NRXN3: variants seen among roughly 807,000 people sequenced by gnomAD.
NRXN3 encodes neurexin III.
In NRXN3, 32 loss-of-function variants were observed where a neutral mutation model predicts 137.6. The ratio of observed to expected loss-of-function variants is 0.23; its 90% CI spans 0.18 to 0.31. NRXN3 has a LOEUF of 0.31. Ranked by LOEUF, NRXN3 falls within the 10% of genes least tolerant of loss-of-function variation. The probability of loss-of-function intolerance (pLI) is 1.00; values close to 1 mark genes in which losing one functional copy is unlikely to be tolerated. For missense variants in NRXN3, 1,574 were observed against 2,062.5 expected (o/e 0.76, Z 4.59); for synonymous variants, 798 against 784.5 (o/e 1.02, Z -0.29).
intron 15 of NRXN3, among the ~76,000 whole-genome samples, chr14:79,228,812 T>G (rs1185329877): frequency 2.0e-5 from 3 of 152,168 alleles, no homozygotes; most frequent in Non-Finnish European, 2.9e-5. Flanking sequence ...CATTTAGAAA[T>G]GTAAATATAC....
At chr14:79,170,889 C>T (rs1297974743) in intron 15 of NRXN3, among the ~76,000 whole-genome samples, 1 of 152,092 alleles carries the variant, frequency 6.6e-6, no homozygotes, top group Non-Finnish European at 1.5e-5. Context: ...CAGTGGTTCC[C>T]TGGATCAGTT....
rs993453377 is a variant in NRXN3 at position 79,561,131 on chromosome 14, T to C, written c.3444+93729T>C. Among the ~76,000 whole-genome samples the C allele has an allele frequency of 3.9e-5, 6 of 152,156 alleles. No homozygotes were observed. The East Asian group carries it at 7.7e-4, about 20-fold the overall frequency. Reference sequence around the variant, plus strand: ...GTTGAGCTTTTATTACTACTACTCATTGGGGAGAGAAGAGAGAAAGAAGCA... The same window carrying C: ...GTTGAGCTTTTATTACTACTACTCACTGGGGAGAGAAGAGAGAAAGAAGCA... On this transcript the variant is annotated intron_variant, in intron 16 of 20. Coordinates refer to ENST00000335750, the MANE Select transcript of NRXN3 (RefSeq NM_001330195.2).
intron 10 of NRXN3, among the ~76,000 whole-genome samples, chr14:78,901,104 C>A (rs920202837): frequency 3.9e-5 from 6 of 151,996 alleles, no homozygotes; most frequent in African/African-American, 1.4e-4. Flanking sequence ...ATATTTTTTT[C>A]TATCTGCTTC....
chr14:79,078,439 T>C (rs950563469), intron 15 of NRXN3, among the ~76,000 whole-genome samples: 11 of 152,160 alleles, frequency 7.2e-5, no homozygotes, highest in African/African-American at 2.7e-4. Context: ...ATGGTAAAAA[T>C]CCATCCAACC....
At chr14:78,499,877 G>A (rs921499405) in intron 4 of NRXN3, among the ~76,000 whole-genome samples, 1 of 152,132 alleles carries the variant, frequency 6.6e-6, no homozygotes, top group East Asian at 1.9e-4. Flanking sequence ...GAGAGGGAGA[G>A]AGAGAGACAG....
At chr14:78,659,315 T>A (rs953565361) in intron 6 of NRXN3, among the ~76,000 whole-genome samples, 1 of 152,088 alleles carries the variant, frequency 6.6e-6, no homozygotes, top group Non-Finnish European at 1.5e-5. Flanking sequence ...AGTCAACCAG[T>A]CTGTGGTATT....
chr14:79,723,683 C>G (rs1264253557), intron 19 of NRXN3, among the ~76,000 whole-genome samples: 1 of 152,126 alleles, frequency 6.6e-6, no homozygotes, highest in Non-Finnish European at 1.5e-5. Flanking sequence ...CTTCTGTGTT[C>G]CTTTGCAGCT....
intron 16 of NRXN3, among the ~76,000 whole-genome samples, chr14:79,558,193 AG>A (rs1227214055): frequency 6.6e-6 from 1 of 152,062 alleles, no homozygotes; most frequent in Non-Finnish European, 1.5e-5. Flanking sequence ...CTCATCCGTG[AG>A]GGTTGGAATC....
At chr14:78,495,170 C>A (rs2095755214) in intron 4 of NRXN3, among the ~76,000 whole-genome samples, 1 of 136,958 alleles carries the variant, frequency 7.3e-6, no homozygotes, top group South Asian at 2.3e-4. Context: ...TGTGAAGTTG[C>A]ATGTTGGTAC....
In NRXN3 at chr14:79,371,968, C is replaced by T. The variant is rs1325983842; in HGVS notation, c.3263-95253C>T. On this transcript the variant is annotated intron_variant, in intron 15 of 20. Transcript: ENST00000335750. Reference sequence around the variant, plus strand: ...GTAAATGTCAACCAAAATGGCAGAACATTTAAAATCAGTCTGCCAAATATC... The same window carrying T: ...GTAAATGTCAACCAAAATGGCAGAATATTTAAAATCAGTCTGCCAAATATC... Among the ~76,000 whole-genome samples, 3 of 152,056 alleles carry T rather than the reference C, an allele frequency of 2.0e-5. No homozygotes were observed. The East Asian group carries it at 5.8e-4, about 29-fold the overall frequency.
At chr14:79,096,863 C>T (rs1039153615) in intron 15 of NRXN3, among the ~76,000 whole-genome samples, 3 of 152,070 alleles carry the variant, frequency 2.0e-5, no homozygotes, top group African/African-American at 4.8e-5. Context: ...TCTCTCATGT[C>T]GACCCCATTC....
chr14:79,063,038 A>T (rs916659145), intron 15 of NRXN3, among the ~76,000 whole-genome samples: 18 of 152,194 alleles, frequency 1.2e-4, no homozygotes, highest in Admixed American at 7.9e-4. Flanking sequence ...GTTTATCTTT[A>T]TATTTTGTGA....
At chr14:78,992,045 T>A (rs563345357) in intron 15 of NRXN3, among the ~76,000 whole-genome samples, 10 of 152,326 alleles carry the variant, frequency 6.6e-5, no homozygotes, top group Admixed American at 5.9e-4. Context: ...CTCCCTTGTA[T>A]GGGGTTAGGA....
intron 15 of NRXN3, among the ~76,000 whole-genome samples, chr14:78,996,415 T>G (rs1390964811): frequency 6.6e-6 from 1 of 152,222 alleles, no homozygotes; most frequent in Admixed American, 6.5e-5. Flanking sequence ...GTCTGGGCTC[T>G]GGACTGCCAA....
chr14:79,796,418 C>T (rs775773956), intron 19 of NRXN3, among the ~76,000 whole-genome samples: 2 of 152,156 alleles, frequency 1.3e-5, no homozygotes, highest in Non-Finnish European at 2.9e-5. Context: ...CTGCCTTGAA[C>T]AACAGATTAA....
At chr14:79,841,348 G>A (rs1312165051) in intron 20 of NRXN3, among the ~76,000 whole-genome samples, 2 of 152,124 alleles carry the variant, frequency 1.3e-5, no homozygotes, top group African/African-American at 4.8e-5. Flanking sequence ...ATAGAGAGGA[G>A]AAAACAGGTT....
intron 4 of NRXN3, among the ~76,000 whole-genome samples, chr14:78,333,151 C>T (rs2153572529): frequency 6.6e-6 from 1 of 152,304 alleles, no homozygotes; most frequent in South Asian, 2.1e-4. Context: ...AGAACTCTTG[C>T]TCCTTGGATT....
chr14:78,629,329 G>A (rs768627008), intron 4 of NRXN3, among the ~76,000 whole-genome samples: 12 of 152,136 alleles, frequency 7.9e-5, no homozygotes, highest in Admixed American at 4.6e-4. Flanking sequence ...TACTTTAGCC[G>A]AGGTAGTGGT....
At chr14:79,419,390 G>A (rs144543356) in intron 15 of NRXN3, among the ~76,000 whole-genome samples, 69 of 152,214 alleles carry the variant, frequency 4.5e-4, no homozygotes, top group African/African-American at 1.6e-3. Flanking sequence ...TAGAAAAGTC[G>A]TTATTCCATT....
Sources: allele counts gnomAD v4.1 joint callset (sites outside exome capture counted in the v4.1 genomes callset), GRCh38; gene constraint gnomAD v4.1.1; transcripts MANE v1.5; gene names NCBI Gene and HGNC (gene_info 2026-07-23, HGNC 2026-07-21).